The following DDB1 variants were observed in gnomAD, a reference collection of about 807,000 sequenced individuals.
DDB1 encodes DNA damage-binding protein 1.
A neutral mutation model predicts 133.1 loss-of-function variants in DDB1; 18 were observed. The observed-to-expected ratio is 0.14, with a 90% CI of 0.09 to 0.20. DDB1 has a LOEUF of 0.20. DDB1 is among the 10% of genes least tolerant of loss of function. DDB1 has a pLI of 1.00. For synonymous variants in DDB1, 580 were observed against 550.5 expected (o/e 1.05, Z -0.75); for missense variants, 828 against 1,459.2 (o/e 0.57, Z 7.05).
intron 25 of DDB1, chr11:61,301,730 A>C (rs1189473847): frequency 6.5e-6 from 1 of 152,990 alleles, no homozygotes; most frequent in Non-Finnish European, 1.5e-5. Flanking sequence ...CCAGAGTCAC[A>C]GACAGGAGCT....
chr11:61,329,716 G>A, intron 3 of DDB1, 132 bp from the exon 4 acceptor site: 1 of 843,584 alleles, frequency 1.2e-6, no homozygotes, highest in South Asian at 1.7e-5. Context: ...AGGCCAAATA[G>A]TTGGAGCCCC....
intron 16 of DDB1, among the ~76,000 whole-genome samples, 167 bp downstream of exon 16, chr11:61,313,332 T>C (rs757936919): frequency 2.6e-5 from 4 of 152,340 alleles, no homozygotes; most frequent in South Asian, 4.1e-4. Flanking sequence ...TTTAAAAAAC[T>C]TCCCAAGTGT....
At chr11:61,331,910 A>G in intron 1 of DDB1, 1 of 539,348 alleles carries the variant, frequency 1.9e-6, no homozygotes, top group Non-Finnish European at 3.3e-6. Flanking sequence ...GACTAAGAAA[A>G]CTGGACTGGA....
chr11:61,330,206 G>A, intron 2 of DDB1, 132 bp from the exon 3 acceptor site: 1 of 668,560 alleles, frequency 1.5e-6, no homozygotes. Flanking sequence ...TACATGGTGA[G>A]CTTGTAACCC....
intron 13 of DDB1, 46 bp from the exon 14 acceptor site, chr11:61,314,256 G>C: frequency 6.3e-7 from 1 of 1,592,626 alleles, no homozygotes; most frequent in Non-Finnish European, 8.5e-7. Flanking sequence ...AAGGCTCAAA[G>C]AAGTCCTAGA....
chr11:61,302,860 A>G (rs1283629532), intron 23 of DDB1, 109 bp from the exon 24 acceptor site: 2 of 1,437,120 alleles, frequency 1.4e-6, no homozygotes, highest in East Asian at 2.3e-5. Context: ...GGGAGCTGAC[A>G]TACTCCACAG....
At chr11:61,321,787 A>C in intron 9 of DDB1, 90 bp from the exon 10 acceptor site, 3 of 1,113,824 alleles carry the variant, frequency 2.7e-6, no homozygotes, top group African/African-American at 3.1e-5. Context: ...GTATACCTAA[A>C]TCCAAGAACC....
Position 61,324,084 on chromosome 11 carries a change from C to T in DDB1, c.816G>A (p.Leu272=). ...AGAGCCGGCCTTCCATGTCTCCCAG[C>T]AGGTATCTTGAGCCATTAGGGTCCA... ...NRVDPNGSRY[L]LGDMEGRLFM... is the part of the protein sequence containing the mutation. Residue 272 remains leucine (L), a synonymous_variant, in exon 7 of 27, where the codon CTG becomes CTA. Coordinates refer to ENST00000301764, the MANE Select transcript of DDB1 (RefSeq NM_001923.5). 6.2e-7 allele frequency: 1 copy of T among 1,614,152 alleles called. No homozygotes were observed. Among genetic ancestry groups the T allele is most frequent in the Non-Finnish European group, 8.5e-7 (1 of 1,180,000 alleles).
chr11:61,328,313 T>C (rs985421232), intron 4 of DDB1, among the ~76,000 whole-genome samples: 3 of 152,234 alleles, frequency 2.0e-5, no homozygotes, highest in Admixed American at 2.0e-4. Context: ...ACCTCCAACA[T>C]ATAACAAGGC....
intron 4 of DDB1, among the ~76,000 whole-genome samples, chr11:61,328,516 C>T (rs139845494): frequency 6.0e-4 from 91 of 152,226 alleles, no homozygotes; most frequent in African/African-American, 2.0e-3. Context: ...CAGATCTGGA[C>T]CAGAGAACAG....
intron 22 of DDB1, among the ~76,000 whole-genome samples, 178 bp downstream of exon 22, chr11:61,303,687 C>A (rs897672889): frequency 7.4e-6 from 1 of 135,378 alleles, no homozygotes; most frequent in Non-Finnish European, 1.5e-5. Context: ...CTGGACAGAG[C>A]CAGACTGCGT....
intron 6 of DDB1, chr11:61,324,366 T>C: frequency 2.1e-6 from 1 of 483,694 alleles, no homozygotes; most frequent in Non-Finnish European, 3.7e-6. Context: ...ATATCTTATA[T>C]GTTTACTGAT....
At chr11:61,307,427 T>C (rs28720341) in intron 21 of DDB1, among the ~76,000 whole-genome samples, 24 of 152,216 alleles carry the variant, frequency 1.6e-4, no homozygotes, top group African/African-American at 5.8e-4. Flanking sequence ...GTTTACCAAT[T>C]CCCTCCTGCT....
intron 6 of DDB1, among the ~76,000 whole-genome samples, chr11:61,324,752 A>G (rs1330565378): frequency 6.6e-6 from 1 of 152,200 alleles, no homozygotes. Flanking sequence ...TTACAACTTG[A>G]TATTCTAAGT....
At chr11:61,327,499 C>T (rs1396576738) in intron 4 of DDB1, 2 of 153,056 alleles carry the variant, frequency 1.3e-5, no homozygotes, top group Non-Finnish European at 2.9e-5. Context: ...TCCTTAGCCT[C>T]GAGAAACTTA....
chr11:61,312,608 C>CT (rs1235522809), intron 16 of DDB1, among the ~76,000 whole-genome samples: 156 of 144,152 alleles, frequency 1.1e-3, no homozygotes, highest in African/African-American at 3.8e-3. Flanking sequence ...CTCCCAGTTT[C>CT]TTTTTTTTTA....
At chr11:61,332,656 G>A in intron 1 of DDB1, 1 of 389,428 alleles carries the variant, frequency 2.6e-6, no homozygotes. Context: ...CACTGGGCCC[G>A]CCCTGTTCTC....
chr11:61,326,691 C>T (rs1382730638), intron 5 of DDB1, 88 bp downstream of exon 5: 2 of 1,037,646 alleles, frequency 1.9e-6, no homozygotes, highest in Non-Finnish European at 3.1e-6. Flanking sequence ...AGCGCCAAAA[C>T]GAAGGGCAGA....
chr11:61,327,074 A>ACGGC lies in DDB1; in HGVS notation c.550-182_550-181insGCCG. On this transcript the variant is annotated intron_variant, in intron 4 of 26. Transcript: ENST00000301764. ...CTGAGCCTGGGATGAATTCCTAGGT[A>ACGGC]GACTGCAGCATCTGAGATCTACCAT... 5 of 610,530 alleles carry ACGGC rather than the reference A, an allele frequency of 8.2e-6. No individual in the cohort carries two copies. In the East Asian group the frequency reaches 8.3e-5, roughly 10 times the overall value. 37.8% of individuals were successfully genotyped at this position (610,530 alleles called of 1,614,324 possible).
Sources: allele counts gnomAD v4.1 joint callset (sites outside exome capture counted in the v4.1 genomes callset), GRCh38; gene constraint gnomAD v4.1.1; transcripts MANE v1.5; gene names NCBI Gene and HGNC (gene_info 2026-07-23, HGNC 2026-07-21).